COBL: variants seen among roughly 807,000 people sequenced by gnomAD.
COBL encodes the protein cordon-bleu WH2 repeat protein.
A neutral mutation model predicts 98.8 loss-of-function variants in COBL; 51 were observed. The observed-to-expected ratio is 0.52, with a 90% CI of 0.41 to 0.65. The LOEUF is 0.65. Ranked by LOEUF, COBL falls within the 30% of genes least tolerant of loss-of-function variation. COBL has a pLI of 0.00. For missense variants in COBL, 1,617 were observed against 1,617.5 expected (o/e 1.00, Z 0.01); for synonymous variants, 634 against 651.7 (o/e 0.97, Z 0.41).
chr7:51,219,931 C>A lies in COBL; in HGVS notation c.55G>T (p.Ala19Ser). ...AKPPTGRKMK[A>S]RAPPPPGKAA... ...TTTCCAGGAGGTGGGGGAGCACGAGCCTTCATCTTCCTCCTTAAAAACAAC... is the reference window on the plus strand; with the variant it reads ...TTTCCAGGAGGTGGGGGAGCACGAGACTTCATCTTCCTCCTTAAAAACAAC... Residue 19 changes from alanine to serine, a missense_variant, in exon 2 of 13, where the codon GCT becomes TCT. Around this residue, in one of 3 missense-constraint regions of COBL, gnomAD observed 238 missense variants for 215.0 expected, o/e 1.11. Coordinates refer to ENST00000265136, the MANE Select transcript of COBL (RefSeq NM_015198.5). 1.9e-6 allele frequency: 3 copies of A among 1,610,378 alleles called. No individual in the cohort carries two copies. Among genetic ancestry groups the A allele is most frequent in the African/African-American group, 1.3e-5 (1 of 74,950 alleles).
intron 1 of COBL, among the ~76,000 whole-genome samples, chr7:51,246,044 T>C (rs1796248251): frequency 6.6e-6 from 1 of 152,222 alleles, no homozygotes; most frequent in Non-Finnish European, 1.5e-5. Context: ...GGTATGTATG[T>C]GTCATTTATT....
chr7:51,104,422 A>C (rs1428533684), intron 6 of COBL, among the ~76,000 whole-genome samples: 1 of 152,224 alleles, frequency 6.6e-6, no homozygotes, highest in Non-Finnish European at 1.5e-5. Flanking sequence ...GCCAGATTGC[A>C]GGGCTTAGAG....
rs140625042 is a variant in COBL at position 51,298,668 on chromosome 7, C to T, written c.41+17925G>A. 6.1e-3 allele frequency among the ~76,000 whole-genome samples: 924 copies of T among 152,314 alleles called. 14 individuals carry two copies. Among genetic ancestry groups the T allele is most frequent in the African/African-American group, 0.021 (871 of 41,566 alleles). On this transcript the variant is annotated intron_variant, in intron 1 of 12. Coordinates refer to ENST00000265136, the MANE Select transcript of COBL (RefSeq NM_015198.5). ...GAGCATGTCATGTCAAATGAATACA[C>T]AGATGTTGGGACTCCGAAAGCTGCA...
intron 1 of COBL, among the ~76,000 whole-genome samples, chr7:51,300,421 G>A (rs1010323103): frequency 3.3e-5 from 5 of 152,090 alleles, no homozygotes; most frequent in Non-Finnish European, 5.9e-5. Context: ...TTAGCCTCCC[G>A]AAGTGCTGGG....
At chr7:51,254,399 A>G (rs780369472) in intron 1 of COBL, among the ~76,000 whole-genome samples, 1 of 152,238 alleles carries the variant, frequency 6.6e-6, no homozygotes, top group Non-Finnish European at 1.5e-5. Flanking sequence ...ATAGACTTGT[A>G]TATAAGGGAA....
Position 51,016,966 on chromosome 7 carries a change from GT to G in COBL, c.*584del. On this transcript the variant is annotated 3_prime_UTR_variant, in exon 13 of 13. Transcript: ENST00000265136. Reference sequence around the variant, plus strand: ...CATGGACTGTGACCCTCTGTGAAGTGTTAGCCCCAAATATTTGAGGAAGAAG... The same window carrying G: ...CATGGACTGTGACCCTCTGTGAAGTGTAGCCCCAAATATTTGAGGAAGAAG... 2 of 404,240 alleles carry G rather than the reference GT, an allele frequency of 4.9e-6. No homozygotes were observed. The highest frequency in any genetic ancestry group is 4.2e-5 in the Admixed American group (1 of 23,564). 25.0% of individuals were successfully genotyped at this position (404,240 alleles called of 1,614,324 possible).
rs932385146 is a variant in COBL, at chr7:51,025,045, T to C, written c.3768+64A>G. ...TCCTGCCCACAGGCAAGCGTGTCCCTGGATCTACGCTGCACCTCCAACCCT... is the reference window on the plus strand; with the variant it reads ...TCCTGCCCACAGGCAAGCGTGTCCCCGGATCTACGCTGCACCTCCAACCCT... On this transcript the variant is annotated intron_variant, in intron 12 of 12. Coordinates refer to ENST00000265136, the MANE Select transcript of COBL (RefSeq NM_015198.5). 3 of 1,604,522 alleles carry C rather than the reference T, an allele frequency of 1.9e-6. No individual in the cohort carries two copies. In the African/African-American group the frequency reaches 4.0e-5, roughly 21 times the overall value.
chr7:51,224,959 C>T (rs1011907557), intron 1 of COBL, among the ~76,000 whole-genome samples: 13 of 151,704 alleles, frequency 8.6e-5, no homozygotes, highest in Admixed American at 8.5e-4. Flanking sequence ...GGGGGCGGCC[C>T]GTGCATGTGG....
chr7:51,017,545 GT>G lies in COBL; in HGVS notation c.*5del. 6.2e-7 allele frequency: 1 copy of G among 1,613,938 alleles called. No individual in the cohort carries two copies. The highest frequency in any genetic ancestry group is 8.5e-7 in the Non-Finnish European group (1 of 1,179,838). The stretch of plus-strand genomic sequence containing the variant: ...GGGTTTCTGCAATTCTCTGGCCTCT[GT>G]TCATTCACACGAGCAAGGGCACCTG... On this transcript the variant is annotated 3_prime_UTR_variant, in exon 13 of 13. Coordinates refer to ENST00000265136, the MANE Select transcript of COBL (RefSeq NM_015198.5).
chr7:51,316,534 C>T, intron 1 of COBL, 59 bp downstream of exon 1: 1 of 1,170,472 alleles, frequency 8.5e-7, no homozygotes, highest in Non-Finnish European at 1.1e-6. Context: ...GGTGCGGACG[C>T]GGGCGTCCGA....
At chr7:51,229,874 C>G (rs1357253020) in intron 1 of COBL, among the ~76,000 whole-genome samples, 1 of 152,146 alleles carries the variant, frequency 6.6e-6, no homozygotes, top group Non-Finnish European at 1.5e-5. Flanking sequence ...GTGAGCTTGA[C>G]GGGCTCCCAG....
At chr7:51,137,346 T>A (rs1305216075) in intron 5 of COBL, among the ~76,000 whole-genome samples, 1 of 152,192 alleles carries the variant, frequency 6.6e-6, no homozygotes. Flanking sequence ...CCCCAGTTTA[T>A]CTCCTGTAAA....
At chr7:51,281,877 T>C (rs1204267895) in intron 1 of COBL, among the ~76,000 whole-genome samples, 1 of 152,160 alleles carries the variant, frequency 6.6e-6, no homozygotes, top group Non-Finnish European at 1.5e-5. Flanking sequence ...CAATACATGA[T>C]TCTTCTTTTT....
intron 6 of COBL, among the ~76,000 whole-genome samples, chr7:51,107,325 C>T (rs1466879893): frequency 6.6e-6 from 1 of 152,012 alleles, no homozygotes; most frequent in East Asian, 1.9e-4. Flanking sequence ...GAACTCCTGA[C>T]CTCGTGATTT....
chr7:51,025,462 G>A, intron 11 of COBL, 90 bp from the exon 12 acceptor site: 13 of 1,360,940 alleles, frequency 9.6e-6, no homozygotes, highest in Non-Finnish European at 1.1e-5. Flanking sequence ...AGTGGCATGA[G>A]GAGATGAGGA....
intron 1 of COBL, among the ~76,000 whole-genome samples, chr7:51,261,083 A>C (rs1260171085): frequency 6.6e-6 from 1 of 151,850 alleles, no homozygotes; most frequent in Admixed American, 6.6e-5. Context: ...CTGCTCACAC[A>C]CGCCAAGCTC....
chr7:51,261,342 C>A (rs1006973892), intron 1 of COBL, among the ~76,000 whole-genome samples: 2 of 152,212 alleles, frequency 1.3e-5, no homozygotes, highest in African/African-American at 4.8e-5. Flanking sequence ...CTATCTCCCC[C>A]ACTAGAACAT....
intron 1 of COBL, among the ~76,000 whole-genome samples, chr7:51,224,189 C>T (rs970211320): frequency 3.3e-5 from 5 of 152,134 alleles, no homozygotes; most frequent in Admixed American, 3.3e-4. Context: ...TGATGTTCAC[C>T]CAAGGATGAA....
At chr7:51,280,491 A>G (rs779078935) in intron 1 of COBL, among the ~76,000 whole-genome samples, 23 of 152,214 alleles carry the variant, frequency 1.5e-4, no homozygotes, top group Non-Finnish European at 2.9e-4. Context: ...AAGAGGATGG[A>G]GTAAACCCCA....
Sources: gnomAD v4.1 joint callset for allele counts (sites outside exome capture counted in the v4.1 genomes callset) on GRCh38, gnomAD v4.1.1 for gene constraint, gnomAD v4.1.1 regional missense constraint, MANE v1.5 for transcripts, NCBI Gene and HGNC (gene_info 2026-07-23, HGNC 2026-07-21) for gene names.